The following THTPA variants were observed in gnomAD, a reference collection of about 807,000 sequenced individuals.
The protein encoded by THTPA is thiamine triphosphatase, also known as thiamine-triphosphatase.
THTPA carries 16 observed loss-of-function variants against 16.5 expected under a neutral mutation model. The observed-to-expected ratio is 0.97, with a 90% CI of 0.66 to 1.47. THTPA has a LOEUF of 1.47. Among genes scored for constraint, THTPA ranks in the 40% most tolerant of loss-of-function variants. THTPA has a pLI of 0.00. For synonymous variants in THTPA, 110 were observed against 115.5 expected (o/e 0.95, Z 0.30); for missense variants, 281 against 280.9 (o/e 1.00, Z 0.00).
the THTPA span, chr14:23,525,323 G>C: frequency 6.5e-7 from 1 of 1,536,110 alleles, no homozygotes; most frequent in East Asian, 2.4e-5. The surrounding 1 kb of genome is among the most constrained non-coding windows in gnomAD (Gnocchi z 5.9). Context: ...TGAATCCAGA[G>C]ACCCATCAGG....
At chr14:23,528,024 C>G in the THTPA span, among the ~76,000 whole-genome samples, 1 of 151,758 alleles carries the variant, frequency 6.6e-6, no homozygotes, top group Non-Finnish European at 1.5e-5. Context: ...CTCCTGCCCT[C>G]AGCCTCCCAA....
At chr14:23,523,286 G>A in the THTPA span, 2 of 1,440,344 alleles carry the variant, frequency 1.4e-6, no homozygotes, top group Non-Finnish European at 1.8e-6. The surrounding 1 kb of genome is among the most constrained non-coding windows in gnomAD (Gnocchi z 4.1). Context: ...GCGAGGCAAG[G>A]TTGGGGCAGC....
the THTPA span, chr14:23,535,140 C>A: frequency 1.3e-6 from 2 of 1,536,112 alleles, no homozygotes; most frequent in Non-Finnish European, 1.7e-6. This position sits in a 1 kb window ranked among gnomAD's most constrained non-coding sequence, Gnocchi z 4.5. Context: ...CACAGCCCGA[C>A]TCCAGGAGCT....
chr14:23,514,438 T>A, the THTPA span: 1 of 152,562 alleles, frequency 6.6e-6, no homozygotes, highest in African/African-American at 2.4e-5. Flanking sequence ...CCACTTTTGC[T>A]GGGGTGGAAG....
the THTPA span, among the ~76,000 whole-genome samples, chr14:23,528,232 C>T: frequency 5.9e-5 from 9 of 152,310 alleles, no homozygotes; most frequent in African/African-American, 2.2e-4. Context: ...TGAAGAGGAA[C>T]TAGCCAGATA....
rs966289913 is a variant in THTPA, at chr14:23,556,506, A to G, written c.-252A>G. 2 of 533,366 alleles carry G rather than the reference A, an allele frequency of 3.7e-6. No individual in the cohort carries two copies. The highest frequency in any genetic ancestry group is 3.3e-5 in the Admixed American group (1 of 30,060). The allele number at this position is 533,366 out of a possible 1,614,324, so 33.0% of individuals were successfully genotyped here. On this transcript the variant is annotated 5_prime_UTR_variant, in exon 1 of 2. Coordinates refer to ENST00000288014, the MANE Select transcript of THTPA (RefSeq NM_024328.6). ...CTAGGGGTCTCTTTGGATTGAGGACATCAGCAGCAGTGGAAGGGATTTTAC... is the reference window on the plus strand; with the variant it reads ...CTAGGGGTCTCTTTGGATTGAGGACGTCAGCAGCAGTGGAAGGGATTTTAC...
rs145132066 is a variant in THTPA at position 23,559,218 on chromosome 14, G to C, written c.*378G>C. The C allele has an allele frequency of 6.7e-5, 16 of 238,334 alleles. No individual in the cohort carries two copies. The highest frequency in any genetic ancestry group is 1.2e-4 in the Non-Finnish European group (15 of 120,278). The allele number at this position is 238,334 out of a possible 1,614,324, so 14.8% of individuals were successfully genotyped here. A position where few individuals can be genotyped will look rare whatever the true frequency, so the allele number is the denominator to read the frequency against. On this transcript the variant is annotated 3_prime_UTR_variant, in exon 2 of 2. Transcript: ENST00000288014. ...GGCTCCTAAACCGCCTTACAGCTGAGTTAGAAGATGAGGAGAGGCAGCAGG... is the reference window on the plus strand; with the variant it reads ...GGCTCCTAAACCGCCTTACAGCTGACTTAGAAGATGAGGAGAGGCAGCAGG...
At chr14:23,533,298 C>T in the THTPA span, 102 of 1,436,566 alleles carry the variant, frequency 7.1e-5, no homozygotes, top group Non-Finnish European at 9.1e-5. The surrounding 1 kb of genome is among the most constrained non-coding windows in gnomAD (Gnocchi z 4.8). Context: ...ATGTGGGGAA[C>T]TTGCGGGCAG....
the THTPA span, chr14:23,522,323 C>T: frequency 6.5e-7 from 1 of 1,529,234 alleles, no homozygotes; most frequent in Non-Finnish European, 8.8e-7. Flanking sequence ...GCACTGGCGG[C>T]ACAGGTAGCG....
chr14:23,532,354 G>A, the THTPA span: 20 of 551,360 alleles, frequency 3.6e-5, no homozygotes, highest in East Asian at 5.9e-4. Context: ...GCTGAATAAA[G>A]TCTGTTTCAC....
the THTPA span, chr14:23,523,490 C>T: frequency 6.5e-7 from 1 of 1,536,310 alleles, no homozygotes; most frequent in Non-Finnish European, 8.7e-7. This position sits in a 1 kb window ranked among gnomAD's most constrained non-coding sequence, Gnocchi z 4.1. Flanking sequence ...CTTGACATCA[C>T]AATAGGGGCA....
chr14:23,558,554 T>A, intron 1 of THTPA, 141 bp from the exon 2 acceptor site: 1 of 1,103,402 alleles, frequency 9.1e-7, no homozygotes, highest in Non-Finnish European at 1.3e-6. Context: ...ACTAGTGTGT[T>A]ACAGAAGCTG....
chr14:23,525,404 C>T, the THTPA span: 3 of 1,536,010 alleles, frequency 2.0e-6, no homozygotes, highest in East Asian at 2.4e-5. This position sits in a 1 kb window ranked among gnomAD's most constrained non-coding sequence, Gnocchi z 5.9. Context: ...AGCATAACGG[C>T]TCAGGGCTTC....
At chr14:23,557,415 T>A (rs1053767674) in intron 1 of THTPA, 111 bp downstream of exon 1, 6 of 1,218,386 alleles carry the variant, frequency 4.9e-6, no homozygotes, top group East Asian at 2.6e-5. Context: ...ATTTTTTTTT[T>A]AATAGAGACA....
At chr14:23,519,318 G>A in the THTPA span, among the ~76,000 whole-genome samples, 2 of 152,078 alleles carry the variant, frequency 1.3e-5, no homozygotes, top group Non-Finnish European at 2.9e-5. Flanking sequence ...TCTTGTTTTT[G>A]TTCTAAATTG....
upstream of THTPA, among the ~76,000 whole-genome samples, chr14:23,554,453 A>C (rs931688201): frequency 1.3e-5 from 2 of 151,960 alleles, no homozygotes; most frequent in African/African-American, 4.8e-5. Flanking sequence ...ATCGTAGCTC[A>C]CTGCCCTTGA....
At chr14:23,551,685 CCCT>C (rs372231563), upstream of THTPA, 512 of 152,942 alleles carry the variant, frequency 3.3e-3, no homozygotes, top group South Asian at 0.011. The surrounding 1 kb of genome is among the most constrained non-coding windows in gnomAD (Gnocchi z 5.3). Flanking sequence ...CTCCTCCTCG[CCCT>C]CCTCCTCCTC....
upstream of THTPA, among the ~76,000 whole-genome samples, chr14:23,555,140 A>G (rs1882257372): frequency 1.3e-5 from 2 of 152,020 alleles, no homozygotes; most frequent in Admixed American, 1.3e-4. Context: ...AGCACGCGCC[A>G]CCATGCCCGG....
the THTPA span, chr14:23,529,545 A>C: frequency 2.9e-6 from 2 of 697,372 alleles, no homozygotes; most frequent in Non-Finnish European, 4.9e-6. Flanking sequence ...CTGCCCCCGA[A>C]AGTGCTGAAC....
Sources: allele counts gnomAD v4.1 joint callset (sites outside exome capture counted in the v4.1 genomes callset), GRCh38; gene constraint gnomAD v4.1.1; non-coding constraint Gnocchi (gnomAD v3.1); transcripts MANE v1.5; gene names NCBI Gene and HGNC (gene_info 2026-07-23, HGNC 2026-07-21).